CRB3: variants seen among roughly 807,000 people sequenced by gnomAD.
CRB3 encodes crumbs cell polarity complex component 3.
In CRB3, 4 loss-of-function variants were observed where a neutral mutation model predicts 10.4. The ratio of observed to expected loss-of-function variants is 0.39; its 90% CI spans 0.19 to 0.88. CRB3 has a LOEUF of 0.88. CRB3 is among the 40% of genes least tolerant of loss of function. The pLI, the probability that CRB3 is intolerant of heterozygous loss-of-function variation, is 0.39. For missense variants in CRB3, 154 were observed against 160.2 expected (o/e 0.96, Z 0.21); for synonymous variants, 74 against 73.4 (o/e 1.01, Z -0.04).
Position 6,464,802 on chromosome 19 carries a change from C to G in CRB3, c.82+19C>G. 1 of 1,242,820 alleles carries G rather than the reference C, an allele frequency of 8.0e-7. No homozygotes were observed. Among genetic ancestry groups the G allele is most frequent in the Non-Finnish European group, 1.0e-6 (1 of 986,808 alleles). The allele number at this position is 1,242,820 out of a possible 1,614,324, so 77.0% of individuals were successfully genotyped here. A position where few individuals can be genotyped will look rare whatever the true frequency, so the allele number is the denominator to read the frequency against. ...GGGCAAAGTAGGTACCAGCTGAGAG[C>G]GCTGGGGGGGAGGGGTCTGGATTCC... On this transcript the variant is annotated intron_variant, in intron 2 of 3. Coordinates refer to ENST00000600229, the MANE Select transcript of CRB3 (RefSeq NM_139161.5). This position sits in a 1 kb window ranked among gnomAD's most constrained non-coding sequence, Gnocchi z 5.3.
chr19:6,466,769 CAGG>C lies in CRB3; in HGVS notation c.*102_*104del. ...ACCGAGACACCAGCCTCTGATGGCT[CAGG>C]AGGACTTGTGGGGAGAGGCTGGGGG... is the stretch of plus-strand genomic sequence containing the variant. On this transcript the variant is annotated 3_prime_UTR_variant, in exon 4 of 4. Transcript: ENST00000600229. This position sits in a 1 kb window ranked among gnomAD's most constrained non-coding sequence, Gnocchi z 4.9. 2 of 1,551,798 alleles carry C rather than the reference CAGG, an allele frequency of 1.3e-6. No homozygotes were observed. Among genetic ancestry groups the C allele is most frequent in the Non-Finnish European group, 8.7e-7 (1 of 1,152,184 alleles).
Position 6,466,751 on chromosome 19 carries a change from C to A in CRB3, c.*79C>A. On this transcript the variant is annotated 3_prime_UTR_variant, in exon 4 of 4. Coordinates refer to ENST00000600229, the MANE Select transcript of CRB3 (RefSeq NM_139161.5). This position sits in a 1 kb window ranked among gnomAD's most constrained non-coding sequence, Gnocchi z 4.9. Reference sequence around the variant, plus strand: ...TTGTACACCGCAGCTGCCACCGAGACACCAGCCTCTGATGGCTCAGGAGGA... The same window carrying A: ...TTGTACACCGCAGCTGCCACCGAGAAACCAGCCTCTGATGGCTCAGGAGGA... 12 of 1,555,694 alleles carry A rather than the reference C, an allele frequency of 7.7e-6. No individual in the cohort carries two copies. The highest frequency in any genetic ancestry group is 1.4e-5 in the African/African-American group (1 of 73,712).
At position 6,466,824 on chromosome 19, in the gene CRB3, A is replaced by T; in HGVS notation, c.*152A>T. The T allele has an allele frequency of 1.3e-6, 2 of 1,557,598 alleles. No individual in the cohort carries two copies. The highest frequency in any genetic ancestry group is 2.4e-5 in the South Asian group (2 of 82,300). On this transcript the variant is annotated 3_prime_UTR_variant, in exon 4 of 4. Coordinates refer to ENST00000600229, the MANE Select transcript of CRB3 (RefSeq NM_139161.5). The surrounding 1 kb of genome is among the most constrained non-coding windows in gnomAD (Gnocchi z 4.9). ...ACCCATGTGGTGGGCTCTGTGCAGC[A>T]TGTTGCCTCTGCTTGGCTGTGCCTG...
At position 6,465,449 on chromosome 19, in the gene CRB3, G is replaced by A. The variant is rs148681291; in HGVS notation, c.83-96G>A. On this transcript the variant is annotated intron_variant, in intron 2 of 3. Transcript: ENST00000600229. ...CAGAGTTTGAATTGGGACCTGCTAG[G>A]GGGAGGTGAAGGGGAATGCCCAAAG... The A allele has an allele frequency of 1.8e-3, 1,735 of 954,954 alleles. 5 individuals carry two copies. Among genetic ancestry groups the A allele is most frequent in the Non-Finnish European group, 2.6e-3 (1,540 of 581,406 alleles). The allele number at this position is 954,954 out of a possible 1,614,324, so 59.2% of individuals were successfully genotyped here.
In CRB3 at chr19:6,464,977, C is replaced by T; in HGVS notation, c.82+194C>T. Reference sequence around the variant, plus strand: ...TAAGATTTCTAGTTTCTTCCTTGGACACTGGGAGTTGGTCTAGGAGACCTG... The same window carrying T: ...TAAGATTTCTAGTTTCTTCCTTGGATACTGGGAGTTGGTCTAGGAGACCTG... On this transcript the variant is annotated intron_variant, in intron 2 of 3. Coordinates refer to ENST00000600229, the MANE Select transcript of CRB3 (RefSeq NM_139161.5). The surrounding 1 kb of genome is among the most constrained non-coding windows in gnomAD (Gnocchi z 5.3). 1 of 394,190 alleles carries T rather than the reference C, an allele frequency of 2.5e-6. No individual in the cohort carries two copies. Among genetic ancestry groups the T allele is most frequent in the South Asian group, 1.4e-4 (1 of 7,064 alleles). 24.4% of individuals were successfully genotyped at this position (394,190 alleles called of 1,614,324 possible).
Position 6,466,955 on chromosome 19 carries a change from C to T in CRB3, c.*283C>T, listed in dbSNP as rs2092798336. ...ACCCCCTCTCCTTTCTTTCAGTTCT[C>T]CCATGCAGCCGAGGCCCGGGCCCCT... On this transcript the variant is annotated 3_prime_UTR_variant, in exon 4 of 4. Transcript: ENST00000600229. This position sits in a 1 kb window ranked among gnomAD's most constrained non-coding sequence, Gnocchi z 4.9. 1.2e-6 allele frequency: 2 copies of T among 1,613,972 alleles called. No homozygotes were observed. The highest frequency in any genetic ancestry group is 4.5e-5 in the East Asian group (2 of 44,852).
chr19:6,464,881 A>C lies in CRB3; in HGVS notation c.82+98A>C, dbSNP rs953027492. The stretch of plus-strand genomic sequence containing the variant: ...AGCGCTGGGTATCTGGGGCGCAGAG[A>C]GGGTCAAGAATTGGGGAGCGGGGAA... On this transcript the variant is annotated intron_variant, in intron 2 of 3. Transcript: ENST00000600229. This position sits in a 1 kb window ranked among gnomAD's most constrained non-coding sequence, Gnocchi z 5.3. 4 of 660,380 alleles carry C rather than the reference A, an allele frequency of 6.1e-6. No homozygotes were observed. The highest frequency in any genetic ancestry group is 8.6e-6 in the Non-Finnish European group (4 of 465,180). The allele number at this position is 660,380 out of a possible 1,614,324, so 40.9% of individuals were successfully genotyped here.
At position 6,466,830 on chromosome 19, in the gene CRB3, C is replaced by T; in HGVS notation, c.*158C>T. 1 of 1,557,662 alleles carries T rather than the reference C, an allele frequency of 6.4e-7. No individual in the cohort carries two copies. The highest frequency in any genetic ancestry group is 8.7e-7 in the Non-Finnish European group (1 of 1,150,264). On this transcript the variant is annotated 3_prime_UTR_variant, in exon 4 of 4. Coordinates refer to ENST00000600229, the MANE Select transcript of CRB3 (RefSeq NM_139161.5). The surrounding 1 kb of genome is among the most constrained non-coding windows in gnomAD (Gnocchi z 4.9). ...GTGGTGGGCTCTGTGCAGCATGTTG[C>T]CTCTGCTTGGCTGTGCCTGCAGCTC...
rs2092787437 is a variant in CRB3 at position 6,465,000 on chromosome 19, C to T, written c.82+217C>T. 6 of 387,182 alleles carry T rather than the reference C, an allele frequency of 1.5e-5. No individual in the cohort carries two copies. The highest frequency in any genetic ancestry group is 2.7e-5 in the Non-Finnish European group (6 of 219,552). The allele number at this position is 387,182 out of a possible 1,614,324, so 24.0% of individuals were successfully genotyped here. On this transcript the variant is annotated intron_variant, in intron 2 of 3. Transcript: ENST00000600229. The surrounding 1 kb of genome is among the most constrained non-coding windows in gnomAD (Gnocchi z 5.3). ...GACACTGGGAGTTGGTCTAGGAGACCTGAGTTCCCCAGCGAGGTGGAATTG... is the reference window on the plus strand; with the variant it reads ...GACACTGGGAGTTGGTCTAGGAGACTTGAGTTCCCCAGCGAGGTGGAATTG...
rs1339636061 is a variant in CRB3, at chr19:6,466,925, C to A, written c.*253C>A. 6.2e-7 allele frequency: 1 copy of A among 1,610,576 alleles called. No homozygotes were observed. Among genetic ancestry groups the A allele is most frequent in the Admixed American group, 1.7e-5 (1 of 59,274 alleles). On this transcript the variant is annotated 3_prime_UTR_variant, in exon 4 of 4. Coordinates refer to ENST00000600229, the MANE Select transcript of CRB3 (RefSeq NM_139161.5). This position sits in a 1 kb window ranked among gnomAD's most constrained non-coding sequence, Gnocchi z 4.9. ...CTTTTCTCTGTGTGTCCAGCAGGCC[C>A]CACAACCCCCTCTCCTTTCTTTCAG...
intron 2 of CRB3, chr19:6,465,342 C>A (rs348360): frequency 2.8e-4 from 175 of 636,046 alleles, no homozygotes; most frequent in Non-Finnish European, 4.7e-4. Flanking sequence ...GGGACTGGGT[C>A]GGGGGGGTGT....
chr19:6,467,022 G>T lies in CRB3; in HGVS notation c.*350G>T. The T allele has an allele frequency of 1.2e-6, 2 of 1,613,474 alleles. No individual in the cohort carries two copies. The highest frequency in any genetic ancestry group is 1.7e-6 in the Non-Finnish European group (2 of 1,179,576). ...CGGTGCAGGGCTGCCTGCCCATCTAGGTCCCCTCTCCTGCATCTGTCTCCC... is the reference window on the plus strand; with the variant it reads ...CGGTGCAGGGCTGCCTGCCCATCTATGTCCCCTCTCCTGCATCTGTCTCCC... On this transcript the variant is annotated 3_prime_UTR_variant, in exon 4 of 4. Transcript: ENST00000600229.
rs555427037 is a variant in CRB3, at chr19:6,466,932, C to A, written c.*260C>A. On this transcript the variant is annotated 3_prime_UTR_variant, in exon 4 of 4. Transcript: ENST00000600229. This position sits in a 1 kb window ranked among gnomAD's most constrained non-coding sequence, Gnocchi z 4.9. ...CTGTGTGTCCAGCAGGCCCCACAAC[C>A]CCCTCTCCTTTCTTTCAGTTCTCCC... The A allele has an allele frequency of 6.2e-7, 1 of 1,612,774 alleles. No individual in the cohort carries two copies. The highest frequency in any genetic ancestry group is 8.5e-7 in the Non-Finnish European group (1 of 1,179,348).
intron 2 of CRB3, chr19:6,465,127 G>C (rs1166668826): frequency 1.0e-5 from 3 of 294,038 alleles, no homozygotes; most frequent in Non-Finnish European, 1.9e-5. Context: ...CTGGGAGCTG[G>C]GAGGAGGCCT....
At position 6,466,449 on chromosome 19, in the gene CRB3, C is replaced by G; in HGVS notation, c.157-17C>G. Reference sequence around the variant, plus strand: ...CTACCCAGGCTCAGGTGATTCACACCTGTCCCCTCTCTGCAGCGTCCAGAA... The same window carrying G: ...CTACCCAGGCTCAGGTGATTCACACGTGTCCCCTCTCTGCAGCGTCCAGAA... On this transcript the variant is annotated splice_polypyrimidine_tract_variant and intron_variant, in intron 3 of 3. Transcript: ENST00000600229. The surrounding 1 kb of genome is among the most constrained non-coding windows in gnomAD (Gnocchi z 4.9). 1 of 1,612,178 alleles carries G rather than the reference C, an allele frequency of 6.2e-7. No homozygotes were observed. Among genetic ancestry groups the G allele is most frequent in the Admixed American group, 1.7e-5 (1 of 60,014 alleles).
rs767225157 is a variant in CRB3 at position 6,466,658 on chromosome 19, G to A, written c.349G>A (p.Glu117Lys). ...CCCCAACCTCAAGTTGCCGCCGGAA[G>A]AGCGGCTCATCTGAACGCTGGGGCC... ...PTPNLKLPPEERLI is the reference protein window; with the variant it reads ...PTPNLKLPPEKRLI The change falls in exon 4 of 4, where the codon GAG (glutamate) becomes AAG (lysine). Residue 117 changes from glutamate to lysine, a missense_variant. By Grantham distance (56) the Glu-to-Lys change is moderately conservative. Coordinates refer to ENST00000600229, the MANE Select transcript of CRB3 (RefSeq NM_139161.5). This position sits in a 1 kb window ranked among gnomAD's most constrained non-coding sequence, Gnocchi z 4.9. 4.4e-6 allele frequency: 7 copies of A among 1,600,954 alleles called. No individual in the cohort carries two copies. The highest frequency in any genetic ancestry group is 1.1e-5 in the South Asian group (1 of 90,994).
At position 6,466,147 on chromosome 19, in the gene CRB3, G is replaced by A. The variant is rs773106690; in HGVS notation, c.157-319G>A. Among the ~76,000 whole-genome samples the A allele has an allele frequency of 3.3e-5, 5 of 152,070 alleles. No homozygotes were observed. The highest frequency in any genetic ancestry group is 7.4e-5 in the Non-Finnish European group (5 of 67,998). On this transcript the variant is annotated intron_variant, in intron 3 of 3. Transcript: ENST00000600229. The surrounding 1 kb of genome is among the most constrained non-coding windows in gnomAD (Gnocchi z 4.9). Reference sequence around the variant, plus strand: ...GCCCAGAAGGCGGAGGTTGCAGTGAGCCGAGATTGTGACACTGCACTCCAG... The same window carrying A: ...GCCCAGAAGGCGGAGGTTGCAGTGAACCGAGATTGTGACACTGCACTCCAG...
chr19:6,464,290 G>A lies in CRB3; in HGVS notation c.-155G>A, dbSNP rs2092784405. On this transcript the variant is annotated 5_prime_UTR_variant, in exon 1 of 4. Coordinates refer to ENST00000600229, the MANE Select transcript of CRB3 (RefSeq NM_139161.5). The surrounding 1 kb of genome is among the most constrained non-coding windows in gnomAD (Gnocchi z 5.3). ...GGACCCACAGAACGACCGACGGACC[G>A]AGGGTTCGAGGGAGGGACACGGACC... The A allele has an allele frequency of 6.1e-6, 1 of 163,236 alleles. No individual in the cohort carries two copies. The highest frequency in any genetic ancestry group is 1.3e-5 in the Non-Finnish European group (1 of 75,736). 10.1% of individuals were successfully genotyped at this position (163,236 alleles called of 1,614,324 possible). A position where few individuals can be genotyped will look rare whatever the true frequency, so the allele number is the denominator to read the frequency against.
chr19:6,466,884 C>G lies in CRB3; in HGVS notation c.*212C>G, dbSNP rs2092797728. 6 of 1,584,968 alleles carry G rather than the reference C, an allele frequency of 3.8e-6. No homozygotes were observed. In the South Asian group the frequency reaches 4.6e-5, roughly 12 times the overall value. On this transcript the variant is annotated 3_prime_UTR_variant, in exon 4 of 4. Coordinates refer to ENST00000600229, the MANE Select transcript of CRB3 (RefSeq NM_139161.5). The surrounding 1 kb of genome is among the most constrained non-coding windows in gnomAD (Gnocchi z 4.9). ...GTGCTGGGGCTCGGGACCCACCCCCCTGCTTGCGGAACCAACTTTTCTCTG... is the reference window on the plus strand; with the variant it reads ...GTGCTGGGGCTCGGGACCCACCCCCGTGCTTGCGGAACCAACTTTTCTCTG...
Sources: allele counts gnomAD v4.1 joint callset (sites outside exome capture counted in the v4.1 genomes callset), GRCh38; gene constraint gnomAD v4.1.1; non-coding constraint Gnocchi (gnomAD v3.1); transcripts MANE v1.5; gene names NCBI Gene and HGNC (gene_info 2026-07-23, HGNC 2026-07-21).